LUC7L2: variants seen among roughly 807,000 people sequenced by gnomAD.
LUC7L2 encodes putative RNA-binding protein Luc7-like 2.
In LUC7L2, 25 loss-of-function variants were observed where a neutral mutation model predicts 52.8. The ratio of observed to expected loss-of-function variants is 0.47; its 90% CI spans 0.34 to 0.66. LUC7L2 has a LOEUF of 0.66. Among genes scored for constraint, LUC7L2 ranks in the 30% least tolerant of loss-of-function variants. LUC7L2 has a pLI of 0.01. For synonymous variants in LUC7L2, 144 were observed against 160.9 expected (o/e 0.89, Z 0.80); for missense variants, 328 against 497.8 (o/e 0.66, Z 3.25).
At chr7:139,363,043 C>T (rs766091209) in intron 1 of LUC7L2, 5 of 165,160 alleles carry the variant, frequency 3.0e-5, no homozygotes, top group Non-Finnish European at 6.2e-5. Flanking sequence ...AAGTTGGGGG[C>T]TTTAGACAAT....
At chr7:139,360,569 G>GT (rs1413850369) in intron 1 of LUC7L2, among the ~76,000 whole-genome samples, 1 of 152,198 alleles carries the variant, frequency 6.6e-6, no homozygotes, top group African/African-American at 2.4e-5. Flanking sequence ...AGAAAGGAGA[G>GT]TTTGTGCTTT....
intron 1 of LUC7L2, 144 bp downstream of exon 1, chr7:139,360,466 A>C: frequency 4.3e-6 from 3 of 701,206 alleles, no homozygotes; most frequent in Non-Finnish European, 7.0e-6. Context: ...CCCCCGTCCC[A>C]TCCAATCAGG....
Position 139,407,155 on chromosome 7 carries a change from T to G in LUC7L2, c.511-19T>G. The G allele has an allele frequency of 6.3e-7, 1 of 1,599,572 alleles. No homozygotes were observed. Among genetic ancestry groups the G allele is most frequent in the South Asian group, 1.1e-5 (1 of 89,098 alleles). On this transcript the variant is annotated intron_variant, in intron 5 of 9. Transcript: ENST00000354926. ...TTAGTGAGATTTATATGGTCATTGTTTTTCTCACTTTTGTTTAGGAAGTTT... is the reference window on the plus strand; with the variant it reads ...TTAGTGAGATTTATATGGTCATTGTGTTTCTCACTTTTGTTTAGGAAGTTT...
intron 1 of LUC7L2, chr7:139,341,540 C>T: frequency 1.2e-6 from 2 of 1,606,932 alleles, no homozygotes. Context: ...AGCCATGTCC[C>T]GGGTGCTCTA....
At chr7:139,409,479 G>T in intron 6 of LUC7L2, 84 bp from the exon 7 acceptor site, 4 of 1,483,482 alleles carry the variant, frequency 2.7e-6, no homozygotes, top group Non-Finnish European at 3.6e-6. Context: ...TACTGTATTA[G>T]AAACCAGATA....
intron 8 of LUC7L2, among the ~76,000 whole-genome samples, chr7:139,415,573 CTTTT>C (rs376954972): frequency 0.34 from 38,780 of 115,390 alleles, 6,736 homozygotes; most frequent in African/African-American, 0.64. Context: ...GGAAATAACG[CTTTT>C]TTTTTTTTTT....
At chr7:139,342,299 G>GTTA (rs1799021697) in intron 1 of LUC7L2, among the ~76,000 whole-genome samples, 1 of 152,142 alleles carries the variant, frequency 6.6e-6, no homozygotes, top group African/African-American at 2.4e-5. Flanking sequence ...AGAAGGGGTA[G>GTTA]TTAGGGAAGG....
At chr7:139,356,314 C>CAA (rs10524961), upstream of LUC7L2, among the ~76,000 whole-genome samples, 65 of 82,934 alleles carry the variant, frequency 7.8e-4, 1 homozygote, top group East Asian at 2.5e-3. Flanking sequence ...GACCCTATCT[C>CAA]AAAAAAAAAA....
chr7:139,409,759 G>A, intron 7 of LUC7L2, 105 bp downstream of exon 7: 1 of 1,385,038 alleles, frequency 7.2e-7, no homozygotes, highest in Non-Finnish European at 9.4e-7. Flanking sequence ...TATGGGACGT[G>A]GGAAACTTCT....
intron 3 of LUC7L2, among the ~76,000 whole-genome samples, chr7:139,399,595 G>A (rs1040391291): frequency 3.3e-5 from 5 of 150,386 alleles, no homozygotes; most frequent in African/African-American, 7.3e-5. Flanking sequence ...TCAGCCTACC[G>A]AGTAGCCGGG....
intron 9 of LUC7L2, among the ~76,000 whole-genome samples, chr7:139,419,414 A>G (rs1204541496): frequency 6.6e-6 from 1 of 152,238 alleles, no homozygotes; most frequent in Non-Finnish European, 1.5e-5. Flanking sequence ...TGTAAAGGAC[A>G]GAGTGATTTG....
chr7:139,361,051 A>G (rs1462027866), intron 1 of LUC7L2, among the ~76,000 whole-genome samples: 2 of 152,240 alleles, frequency 1.3e-5, no homozygotes, highest in South Asian at 2.1e-4. Context: ...AGTGAAGTAG[A>G]ATAGAGGAGA....
chr7:139,343,684 C>G (rs1799113679), intron 1 of LUC7L2, among the ~76,000 whole-genome samples: 1 of 152,138 alleles, frequency 6.6e-6, no homozygotes, highest in Non-Finnish European at 1.5e-5. Context: ...CCTGTAATCC[C>G]AGCACTCTGG....
At chr7:139,390,039 G>T (rs1794365230) in intron 2 of LUC7L2, among the ~76,000 whole-genome samples, 1 of 152,122 alleles carries the variant, frequency 6.6e-6, no homozygotes, top group Non-Finnish European at 1.5e-5. Flanking sequence ...TGTACTTCTA[G>T]CTAGTGAGGA....
At chr7:139,410,976 A>C (rs1795335024) in intron 7 of LUC7L2, among the ~76,000 whole-genome samples, 1 of 152,156 alleles carries the variant, frequency 6.6e-6, no homozygotes, top group East Asian at 1.9e-4. Flanking sequence ...TTTACTGTAA[A>C]GTTTACCTCA....
intron 1 of LUC7L2, among the ~76,000 whole-genome samples, chr7:139,368,212 C>A (rs561603072): frequency 1.9e-4 from 29 of 152,114 alleles, no homozygotes; most frequent in South Asian, 1.5e-3. Context: ...TTAGTTATAT[C>A]TTTATTTCCT....
At chr7:139,411,631 A>T (rs188962211) in intron 7 of LUC7L2, among the ~76,000 whole-genome samples, 194 of 152,326 alleles carry the variant, frequency 1.3e-3, no homozygotes, top group Non-Finnish European at 2.4e-3. Context: ...ATCCAAAAAA[A>T]AATAATAATC....
intron 9 of LUC7L2, among the ~76,000 whole-genome samples, chr7:139,420,853 C>G (rs1300213717): frequency 6.6e-6 from 1 of 152,118 alleles, no homozygotes; most frequent in East Asian, 1.9e-4. Context: ...GGCTGGAGTG[C>G]AGTAATGCGA....
At chr7:139,398,730 T>C (rs1301957891) in intron 3 of LUC7L2, 33 bp downstream of exon 3, 3 of 1,588,820 alleles carry the variant, frequency 1.9e-6, no homozygotes, top group Non-Finnish European at 2.6e-6. Context: ...TTTGTTGTTA[T>C]CTTTTGCTGT....
Sources: allele counts gnomAD v4.1 joint callset (sites outside exome capture counted in the v4.1 genomes callset), GRCh38; gene constraint gnomAD v4.1.1; transcripts MANE v1.5; gene names NCBI Gene and HGNC (gene_info 2026-07-23, HGNC 2026-07-21).